SRGAP2C: variants seen among roughly 807,000 people sequenced by gnomAD.
SRGAP2C encodes SLIT-ROBO Rho GTPase activating protein 2C, also known as SLIT-ROBO Rho GTPase-activating protein 2C.
SRGAP2C carries 15 observed loss-of-function variants against 25.1 expected under a neutral mutation model. The ratio of observed to expected loss-of-function variants is 0.60; its 90% CI spans 0.40 to 0.92. SRGAP2C has a LOEUF of 0.92. SRGAP2C is among the 40% of genes least tolerant of loss of function. The probability of loss-of-function intolerance (pLI) is 0.00; values close to 1 mark genes in which losing one functional copy is unlikely to be tolerated. For synonymous variants in SRGAP2C, 44 were observed against 96.6 expected (o/e 0.46, Z 3.19); for missense variants, 144 against 264.4 (o/e 0.54, Z 3.16).
At chr1:121,306,752 C>T (rs1657850573) in intron 3 of SRGAP2C, among the ~76,000 whole-genome samples, 1 of 151,490 alleles carries the variant, frequency 6.6e-6, no homozygotes, top group African/African-American at 2.4e-5. Context: ...AAACGATTCT[C>T]AAAGGGATCT....
chr1:121,315,085 G>T (rs1284155398), intron 3 of SRGAP2C: 5 of 769,780 alleles, frequency 6.5e-6, no homozygotes, highest in East Asian at 8.9e-5. Flanking sequence ...GAACTGGCGG[G>T]GTGAGGCGAA....
chr1:121,223,809 A>T (rs1319941386), intron 2 of SRGAP2C, among the ~76,000 whole-genome samples: 1 of 83,874 alleles, frequency 1.2e-5, no homozygotes, highest in South Asian at 5.1e-4. Flanking sequence ...TTTAGTCTAT[A>T]TTTTCAGATT....
intron 4 of SRGAP2C, among the ~76,000 whole-genome samples, chr1:121,350,710 C>A (rs1323608581): frequency 6.6e-6 from 1 of 152,024 alleles, no homozygotes; most frequent in Non-Finnish European, 1.5e-5. Flanking sequence ...ACATATGACA[C>A]CAAAGCACAA....
At chr1:121,302,143 TG>T (rs1447971579) in intron 3 of SRGAP2C, among the ~76,000 whole-genome samples, 1 of 146,894 alleles carries the variant, frequency 6.8e-6, no homozygotes, top group African/African-American at 2.5e-5. Flanking sequence ...TCTGCAGGTT[TG>T]GGGTCACAAA....
chr1:121,355,348 C>T (rs1317371471), intron 4 of SRGAP2C, among the ~76,000 whole-genome samples: 3 of 66,418 alleles, frequency 4.5e-5, no homozygotes, highest in East Asian at 1.4e-3. Flanking sequence ...GACGGAGTTT[C>T]GCTCTGTCAC....
chr1:121,222,272 C>A (rs1367343137), intron 2 of SRGAP2C, among the ~76,000 whole-genome samples: 3 of 152,106 alleles, frequency 2.0e-5, no homozygotes, highest in Non-Finnish European at 4.4e-5. Flanking sequence ...TCCCATAGGG[C>A]TGCTGAACCT....
Position 121,324,472 on chromosome 1 carries a change from T to C in SRGAP2C, c.261-6T>C, listed in dbSNP as rs1658275479. The C allele has an allele frequency of 2.5e-6, 4 of 1,611,078 alleles. No homozygotes were observed. The East Asian group carries it at 8.9e-5, about 36-fold the overall frequency. On this transcript the variant is annotated splice_region_variant and splice_polypyrimidine_tract_variant and intron_variant, in intron 3 of 9. Coordinates refer to ENST00000367123, the MANE Select transcript of SRGAP2C (RefSeq NM_001329984.2). ...ATGACTTCTTTTCCTTGATGTTTCT[T>C]CACAGGAAGGATCAGAATGTTCTCT... is the stretch of plus-strand genomic sequence containing the variant.
intron 2 of SRGAP2C, among the ~76,000 whole-genome samples, chr1:121,254,017 A>G (rs1656398300): frequency 6.6e-6 from 1 of 151,366 alleles, no homozygotes; most frequent in African/African-American, 2.4e-5. Flanking sequence ...GGTTCAAGCA[A>G]TTCTCCTGCC....
At chr1:121,186,417 A>AGGGGC (rs1553318897) in intron 1 of SRGAP2C, among the ~76,000 whole-genome samples, 1 of 96,844 alleles carries the variant, frequency 1.0e-5, no homozygotes, top group African/African-American at 3.9e-5. Flanking sequence ...CTGCCAAGAG[A>AGGGGC]AGCTAGTAAC....
At chr1:121,305,124 G>A (rs1657799728) in intron 3 of SRGAP2C, among the ~76,000 whole-genome samples, 1 of 148,526 alleles carries the variant, frequency 6.7e-6, no homozygotes, top group African/African-American at 2.5e-5. Flanking sequence ...ACCCTTGCCA[G>A]TTTCTCCTAA....
intron 4 of SRGAP2C, among the ~76,000 whole-genome samples, chr1:121,347,242 A>G (rs1420144233): frequency 9.4e-6 from 1 of 106,564 alleles, no homozygotes; most frequent in Admixed American, 1.1e-4. Flanking sequence ...TTCTTGGGAA[A>G]GAACTGAAGT....
At chr1:121,321,756 G>T (rs1383704736) in intron 3 of SRGAP2C, among the ~76,000 whole-genome samples, 12 of 151,860 alleles carry the variant, frequency 7.9e-5, no homozygotes, top group Admixed American at 4.6e-4. Context: ...TATTTTAAAA[G>T]ATTTCTACTT....
At chr1:121,354,261 CCTTTCTTTCTTTCTT>C (rs1658994428) in intron 4 of SRGAP2C, among the ~76,000 whole-genome samples, 1 of 29,922 alleles carries the variant, frequency 3.3e-5, no homozygotes, top group Non-Finnish European at 5.7e-5. Context: ...CTTTCTCTCT[CCTTTCTTTCTTTCTT>C]TCTTTCTTTC....
At chr1:121,224,074 C>T (rs1267873234) in intron 2 of SRGAP2C, among the ~76,000 whole-genome samples, 6 of 152,094 alleles carry the variant, frequency 3.9e-5, no homozygotes, top group South Asian at 2.1e-4. Flanking sequence ...GTGCTGTATG[C>T]TGGGGATTTA....
intron 2 of SRGAP2C, among the ~76,000 whole-genome samples, chr1:121,279,915 C>T (rs1166154661): frequency 5.4e-5 from 8 of 147,630 alleles, no homozygotes; most frequent in African/African-American, 9.9e-5. Context: ...ACCAAGAATC[C>T]GTTCCTCCTT....
chr1:121,329,748 T>C (rs1416910750), intron 4 of SRGAP2C, among the ~76,000 whole-genome samples: 2 of 151,632 alleles, frequency 1.3e-5, no homozygotes, highest in Non-Finnish European at 2.9e-5. Flanking sequence ...TGCTGGGACA[T>C]ATTTTACATT....
chr1:121,271,101 TG>T lies in SRGAP2C; in HGVS notation c.68-13701del, dbSNP rs1223801242. On this transcript the variant is annotated intron_variant, in intron 2 of 9. Coordinates refer to ENST00000367123, the MANE Select transcript of SRGAP2C (RefSeq NM_001329984.2). ...CGTGAGCCACCGCGCCCAGCTGGAC[TG>T]TTTTTTTTTTTGGTGTTTTGTTTTG... Among the ~76,000 whole-genome samples the T allele has an allele frequency of 2.0e-5, 3 of 151,298 alleles. 1 individual carries two copies. The highest frequency in any genetic ancestry group is 1.3e-4 in the Admixed American group (2 of 15,168).
chr1:121,370,714 G>T (rs1412605364), intron 5 of SRGAP2C, among the ~76,000 whole-genome samples: 10 of 151,914 alleles, frequency 6.6e-5, no homozygotes, highest in Non-Finnish European at 1.3e-4. Context: ...AAAGTGCTGG[G>T]ATTACAGGCA....
intron 2 of SRGAP2C, among the ~76,000 whole-genome samples, chr1:121,263,510 T>C (rs587675890): frequency 1.4e-4 from 21 of 151,866 alleles, no homozygotes; most frequent in African/African-American, 4.1e-4. Context: ...TCATTGATTT[T>C]TAAAATTACT....
Sources: allele counts gnomAD v4.1 joint callset (sites outside exome capture counted in the v4.1 genomes callset), GRCh38; gene constraint gnomAD v4.1.1; transcripts MANE v1.5; gene names NCBI Gene and HGNC (gene_info 2026-07-23, HGNC 2026-07-21).